EXOC4: variants seen among roughly 807,000 people sequenced by gnomAD.
EXOC4 encodes the protein SEC8-like 1.
A neutral mutation model predicts 107.2 loss-of-function variants in EXOC4; 71 were observed. The observed-to-expected ratio is 0.66, with a 90% CI of 0.55 to 0.81. EXOC4 has a LOEUF of 0.81. Among genes scored for constraint, EXOC4 ranks in the 30% least tolerant of loss-of-function variants. The pLI is 0.00. For missense variants in EXOC4, 1,108 were observed against 1,189.6 expected (o/e 0.93, Z 1.01); for synonymous variants, 456 against 441.2 (o/e 1.03, Z -0.42).
chr7:133,681,036 A>C (rs1488224868), intron 10 of EXOC4, among the ~76,000 whole-genome samples: 1 of 152,180 alleles, frequency 6.6e-6, no homozygotes, highest in Non-Finnish European at 1.5e-5. Flanking sequence ...TTTGGTTGTG[A>C]CTTTCAAGTT....
At chr7:133,747,576 T>G (rs927746033) in intron 10 of EXOC4, among the ~76,000 whole-genome samples, 1 of 152,200 alleles carries the variant, frequency 6.6e-6, no homozygotes, top group Non-Finnish European at 1.5e-5. Flanking sequence ...GAAATTGATA[T>G]GCTGTATCAA....
chr7:133,574,645 G>A (rs77112963), intron 9 of EXOC4, among the ~76,000 whole-genome samples: 21,975 of 152,104 alleles, frequency 0.14, 2,014 homozygotes, highest in South Asian at 0.22. Flanking sequence ...CACGAATGAA[G>A]AATGAAGCTC....
At chr7:133,312,679 G>C (rs1024087989) in intron 4 of EXOC4, among the ~76,000 whole-genome samples, 3 of 151,774 alleles carry the variant, frequency 2.0e-5, no homozygotes, top group African/African-American at 7.3e-5. Flanking sequence ...TGTGACGTGG[G>C]GGGTGGATGG....
At chr7:133,990,730 A>G (rs1794234699) in intron 14 of EXOC4, among the ~76,000 whole-genome samples, 1 of 152,224 alleles carries the variant, frequency 6.6e-6, no homozygotes, top group African/African-American at 2.4e-5. Context: ...CTGGGATTAC[A>G]GGCATGAGCC....
rs937256972 is a variant in EXOC4 at position 133,898,597 on chromosome 7, A to T, written c.1871+2862A>T. ...CGTCTCTACTAAAAATACAAAAAAA[A>T]TTAGCCGGGCGTGGTGGCAGCGCCT... On this transcript the variant is annotated intron_variant, in intron 12 of 17. Transcript: ENST00000253861. 2.8e-4 allele frequency among the ~76,000 whole-genome samples: 43 copies of T among 151,820 alleles called. 1 individual carries two copies. The highest frequency in any genetic ancestry group is 9.0e-4 in the African/African-American group (37 of 41,292).
At chr7:133,898,745 C>CAAA (rs869131471) in intron 12 of EXOC4, among the ~76,000 whole-genome samples, 5 of 64,776 alleles carry the variant, frequency 7.7e-5, no homozygotes, top group East Asian at 4.7e-4. Context: ...GACTCTGTCT[C>CAAA]AAAAAAAAAA....
At chr7:133,507,005 A>G (rs1055323001) in intron 9 of EXOC4, among the ~76,000 whole-genome samples, 7 of 152,060 alleles carry the variant, frequency 4.6e-5, no homozygotes, top group Non-Finnish European at 1.0e-4. Flanking sequence ...AGACATTTAG[A>G]TAAGATTTAA....
chr7:133,535,223 C>T (rs1024316526), intron 9 of EXOC4, among the ~76,000 whole-genome samples: 2 of 151,838 alleles, frequency 1.3e-5, no homozygotes, highest in African/African-American at 4.8e-5. Flanking sequence ...TGTCATTATC[C>T]CGATTTTACT....
intron 17 of EXOC4, among the ~76,000 whole-genome samples, chr7:134,048,356 G>A (rs1034853064): frequency 3.3e-5 from 5 of 152,154 alleles, no homozygotes; most frequent in African/African-American, 1.2e-4. Context: ...GGTTTGTTTT[G>A]AGAAAGTGCT....
At chr7:133,954,483 TATATA>T (rs558180261) in intron 14 of EXOC4, among the ~76,000 whole-genome samples, 129 of 152,372 alleles carry the variant, frequency 8.5e-4, no homozygotes, top group African/African-American at 3.0e-3. Flanking sequence ...TTTTTAAACT[TATATA>T]ATGTATTAGT....
chr7:134,030,175 G>A (rs1004617014), intron 17 of EXOC4, among the ~76,000 whole-genome samples: 3 of 152,148 alleles, frequency 2.0e-5, no homozygotes, highest in Non-Finnish European at 2.9e-5. Flanking sequence ...GAGAGGGAAA[G>A]CATTAAGGTA....
chr7:133,785,719 C>T (rs985788083), intron 10 of EXOC4, among the ~76,000 whole-genome samples: 15 of 151,040 alleles, frequency 9.9e-5, no homozygotes, highest in African/African-American at 3.6e-4. Flanking sequence ...TTTGCCCAGG[C>T]TGGAGTGCAG....
the EXOC4 span, among the ~76,000 whole-genome samples, chr7:134,099,870 C>A: frequency 6.6e-6 from 1 of 152,098 alleles, no homozygotes. Context: ...CAACACCCAG[C>A]TAATTTTTGT....
intron 14 of EXOC4, among the ~76,000 whole-genome samples, chr7:133,950,355 G>A (rs1001431415): frequency 1.3e-5 from 2 of 152,074 alleles, no homozygotes; most frequent in African/African-American, 4.8e-5. Flanking sequence ...ACTATTTTAA[G>A]CCTGAAAAAA....
intron 9 of EXOC4, among the ~76,000 whole-genome samples, chr7:133,488,722 C>T (rs368975916): frequency 7.3e-5 from 11 of 151,474 alleles, no homozygotes; most frequent in Admixed American, 2.0e-4. Flanking sequence ...TAGCAAAAAC[C>T]GAGAAACAGC....
At chr7:133,706,763 C>T (rs1020914570) in intron 10 of EXOC4, among the ~76,000 whole-genome samples, 15 of 152,052 alleles carry the variant, frequency 9.9e-5, no homozygotes, top group Admixed American at 8.5e-4. Context: ...GCTTAATATC[C>T]CTGCATGGCT....
At chr7:133,820,325 T>C (rs934072178) in intron 11 of EXOC4, among the ~76,000 whole-genome samples, 7 of 152,120 alleles carry the variant, frequency 4.6e-5, no homozygotes, top group Non-Finnish European at 1.0e-4. Flanking sequence ...TATTTTTTTT[T>C]CCTATCTTTG....
intron 5 of EXOC4, among the ~76,000 whole-genome samples, chr7:133,354,157 A>AT (rs965216265): frequency 7.3e-5 from 11 of 150,490 alleles, no homozygotes; most frequent in African/African-American, 2.2e-4. Flanking sequence ...CTGTTGATTT[A>AT]TTTTTTTTCC....
At chr7:133,786,114 G>A (rs1249700642) in intron 10 of EXOC4, among the ~76,000 whole-genome samples, 2 of 152,114 alleles carry the variant, frequency 1.3e-5, no homozygotes, top group African/African-American at 2.4e-5. Context: ...ATACAAAAAA[G>A]CAGAACTTTT....
Sources: allele counts gnomAD v4.1 joint callset (sites outside exome capture counted in the v4.1 genomes callset), GRCh38; gene constraint gnomAD v4.1.1; transcripts MANE v1.5; gene names NCBI Gene and HGNC (gene_info 2026-07-23, HGNC 2026-07-21).